The following KCNMA1 variants were observed in gnomAD, a reference collection of about 807,000 sequenced individuals.
KCNMA1 encodes Calcium-activated potassium channel subunit alpha-1.
In KCNMA1, 29 loss-of-function variants were observed where a neutral mutation model predicts 140.0. The ratio of observed to expected loss-of-function variants is 0.21; its 90% confidence interval spans 0.15 to 0.28. The LOEUF (loss-of-function observed/expected upper bound fraction) is 0.28. Among genes scored for constraint, KCNMA1 ranks in the 10% least tolerant of loss-of-function variants. KCNMA1 has a pLI of 1.00. For missense variants in KCNMA1, 880 were observed against 1,602.2 expected, an observed-to-expected ratio of 0.55 and a Z score of 7.70; for synonymous variants, 612 against 611.9, an observed-to-expected ratio of 1.00 and a Z score of 0.00.
chr10:77,339,832 C>T (rs1026535781), intron 2 of KCNMA1, among the ~76,000 whole-genome samples: 4 of 152,248 alleles, frequency 2.6e-5, no homozygotes, highest in African/African-American at 9.6e-5. Context: ...GAGGGAACAG[C>T]TTAACCTGAT....
chr10:76,959,559 C>T (rs2070057354), intron 20 of KCNMA1, among the ~76,000 whole-genome samples: 1 of 152,168 alleles, frequency 6.6e-6, no homozygotes, highest in Non-Finnish European at 1.5e-5. Context: ...AGAGCATGTC[C>T]TCAAGAAGTG....
chr10:76,961,916 T>G (rs2071643170), intron 20 of KCNMA1, among the ~76,000 whole-genome samples: 1 of 152,266 alleles, frequency 6.6e-6, no homozygotes, highest in South Asian at 2.1e-4. Flanking sequence ...ATATTCACTT[T>G]GTTGTGGTGG....
chr10:77,368,270 C>T (rs1322539615), intron 2 of KCNMA1, among the ~76,000 whole-genome samples: 1 of 152,170 alleles, frequency 6.6e-6, no homozygotes, highest in Non-Finnish European at 1.5e-5. Context: ...ATTGCTTACA[C>T]TTGCATTTCC....
rs999939604 is a variant in KCNMA1 at position 76,949,132 on chromosome 10, T to C, written c.2709+10A>G. On this transcript the variant is annotated intron_variant, in intron 22 of 27. Transcript: ENST00000286628. Reference sequence around the variant, plus strand: ...AAGAAAAGGCATCAATAATGTGACCTTGGACTTACAGGCAATATGGACACT... The same window carrying C: ...AAGAAAAGGCATCAATAATGTGACCCTGGACTTACAGGCAATATGGACACT... The C allele has an allele frequency of 1.9e-6, 3 of 1,595,546 alleles. No individual in the cohort carries two copies. The highest frequency in any genetic ancestry group is 2.6e-6 in the Non-Finnish European group (3 of 1,162,952).
downstream of KCNMA1, among the ~76,000 whole-genome samples, chr10:76,880,313 A>G (rs1179814914): frequency 1.4e-5 from 2 of 146,388 alleles, no homozygotes; most frequent in Non-Finnish European, 3.0e-5. Flanking sequence ...TCTTGCCATT[A>G]AAAAAAAAAA....
intron 3 of KCNMA1, chr10:77,249,827 C>T (rs185445092): frequency 6.6e-6 from 1 of 152,290 alleles, no homozygotes; most frequent in Admixed American, 6.5e-5. Flanking sequence ...CTTAAACAAG[C>T]TCTTCTCTTT....
chr10:76,992,072 G>T (rs2082928198), intron 19 of KCNMA1, among the ~76,000 whole-genome samples: 1 of 152,194 alleles, frequency 6.6e-6, no homozygotes, highest in South Asian at 2.1e-4. Context: ...TGCAGCTCTA[G>T]GAACATTTGG....
At chr10:77,096,494 G>A (rs2096935923) in intron 9 of KCNMA1, among the ~76,000 whole-genome samples, 1 of 152,190 alleles carries the variant, frequency 6.6e-6, no homozygotes, top group African/African-American at 2.4e-5. Flanking sequence ...AGGGATGGCA[G>A]CAAATCCTAC....
At chr10:77,272,071 A>G (rs1200206057) in intron 2 of KCNMA1, among the ~76,000 whole-genome samples, 1 of 152,196 alleles carries the variant, frequency 6.6e-6, no homozygotes, top group Non-Finnish European at 1.5e-5. Flanking sequence ...AGTTAGGTGC[A>G]CACAGCACTG....
intron 1 of KCNMA1, among the ~76,000 whole-genome samples, chr10:77,519,066 G>A (rs897881440): frequency 1.3e-5 from 2 of 152,194 alleles, no homozygotes; most frequent in African/African-American, 2.4e-5. Context: ...CATTGGCTCC[G>A]TCCACTCACT....
At chr10:77,516,520 G>A (rs1268225057) in intron 1 of KCNMA1, among the ~76,000 whole-genome samples, 1 of 152,216 alleles carries the variant, frequency 6.6e-6, no homozygotes, top group African/African-American at 2.4e-5. Context: ...AGAGGACAGC[G>A]CCTGACCCAT....
intron 3 of KCNMA1, 120 bp from the exon 4 acceptor site, chr10:77,185,036 A>C: frequency 1.3e-6 from 1 of 750,314 alleles, no homozygotes; most frequent in South Asian, 1.4e-5. Flanking sequence ...TCATAAAAGA[A>C]AACATTTGGT....
chr10:77,431,339 A>T (rs1024806819), intron 1 of KCNMA1, among the ~76,000 whole-genome samples: 3 of 152,188 alleles, frequency 2.0e-5, no homozygotes, highest in African/African-American at 7.2e-5. Context: ...GACATTCTAC[A>T]ATTTTGCATG....
chr10:77,452,158 T>TCC (rs1367337174), intron 1 of KCNMA1, among the ~76,000 whole-genome samples: 2 of 152,198 alleles, frequency 1.3e-5, no homozygotes, highest in African/African-American at 4.8e-5. Context: ...GGAAGGAATT[T>TCC]CTCATTCTCT....
At chr10:77,190,767 G>T (rs922585259) in intron 3 of KCNMA1, among the ~76,000 whole-genome samples, 2 of 152,134 alleles carry the variant, frequency 1.3e-5, no homozygotes, top group Non-Finnish European at 2.9e-5. Flanking sequence ...GACCCCGTGT[G>T]GGGTGGTGGT....
chr10:77,419,272 A>G (rs1405260913), intron 1 of KCNMA1, among the ~76,000 whole-genome samples: 1 of 152,198 alleles, frequency 6.6e-6, no homozygotes, highest in Non-Finnish European at 1.5e-5. Context: ...GACCTGCCAG[A>G]GCGCTGCAGG....
chr10:77,231,255 C>T (rs1379109545), intron 3 of KCNMA1, among the ~76,000 whole-genome samples: 3 of 152,192 alleles, frequency 2.0e-5, no homozygotes, highest in Non-Finnish European at 4.4e-5. Flanking sequence ...ACTTGCTCTA[C>T]TCACTGATCC....
intron 2 of KCNMA1, among the ~76,000 whole-genome samples, chr10:77,275,781 C>A (rs926725938): frequency 6.6e-6 from 1 of 152,198 alleles, no homozygotes; most frequent in Non-Finnish European, 1.5e-5. Flanking sequence ...ATGAGAGGAG[C>A]ACAGGACCTG....
At chr10:77,152,077 A>C (rs566590228) in intron 5 of KCNMA1, among the ~76,000 whole-genome samples, 23 of 152,276 alleles carry the variant, frequency 1.5e-4, no homozygotes, top group African/African-American at 5.5e-4. Flanking sequence ...GCCTGGACTA[A>C]TTTATTTTTG....
Sources: allele counts gnomAD v4.1 joint callset (sites outside exome capture counted in the v4.1 genomes callset), GRCh38; gene constraint gnomAD v4.1.1; transcripts MANE v1.5; gene names NCBI Gene and HGNC (gene_info 2026-07-23, HGNC 2026-07-21).